Variants in ROBO2 observed in about 807,000 individuals in gnomAD.
The protein encoded by ROBO2 is roundabout guidance receptor 2, also known as roundabout homolog 2.
ROBO2 carries 53 observed loss-of-function variants against 160.8 expected under a neutral mutation model. The ratio of observed to expected loss-of-function variants is 0.33; its 90% CI spans 0.26 to 0.41. The LOEUF (loss-of-function observed/expected upper bound fraction) is 0.41, where lower values mean the gene tolerates loss of function less well. ROBO2 is among the 10% of genes least tolerant of loss of function. The pLI is 1.00. For synonymous variants in ROBO2, 664 were observed against 611.7 expected, an observed-to-expected ratio of 1.09 and a Z score of -1.26; for missense variants, 1,577 against 1,722.4, an observed-to-expected ratio of 0.92 and a Z score of 1.49.
At chr3:76,027,394 G>A (rs902707456) in intron 2 of ROBO2, among the ~76,000 whole-genome samples, 4 of 151,810 alleles carry the variant, frequency 2.6e-5, no homozygotes, top group African/African-American at 9.7e-5. Context: ...AATATTCATT[G>A]TAGAGTAGGC....
At chr3:77,109,229 G>T (rs1244862318) in intron 2 of ROBO2, among the ~76,000 whole-genome samples, 2 of 152,182 alleles carry the variant, frequency 1.3e-5, no homozygotes, top group Non-Finnish European at 2.9e-5. Context: ...CAGATACTTA[G>T]AACAAGCTTT....
chr3:76,447,268 G>A (rs547030045), intron 2 of ROBO2, among the ~76,000 whole-genome samples: 1,748 of 152,294 alleles, frequency 0.011, 27 homozygotes, highest in African/African-American at 0.034. Context: ...AGACATTTAT[G>A]CAGCCAAAAA....
chr3:75,957,674 T>C (rs1948769715), intron 2 of ROBO2, among the ~76,000 whole-genome samples: 1 of 151,510 alleles, frequency 6.6e-6, no homozygotes, highest in African/African-American at 2.4e-5. Flanking sequence ...TTCTTGAAAG[T>C]AGTTAGATTT....
At chr3:77,554,075 G>A (rs1597091) in intron 8 of ROBO2, among the ~76,000 whole-genome samples, 81,338 of 151,690 alleles carry the variant, frequency 0.54, 21,891 homozygotes, top group Middle Eastern at 0.68. Context: ...AATGCAGTTG[G>A]TGACTTTAGG....
intron 2 of ROBO2, among the ~76,000 whole-genome samples, chr3:76,395,327 G>GT (rs1484181108): frequency 1.5e-3 from 211 of 142,436 alleles, no homozygotes; most frequent in South Asian, 4.2e-3. Flanking sequence ...ATTCAAAGCA[G>GT]TGTGTAGAGG....
chr3:77,034,378 TAA>T (rs200520468), intron 2 of ROBO2, among the ~76,000 whole-genome samples: 7,398 of 131,064 alleles, frequency 0.056, 210 homozygotes, highest in Middle Eastern at 0.088. Context: ...TATTCTTTGT[TAA>T]AAAAAAAAAA....
chr3:76,268,963 C>A (rs1342342156), intron 2 of ROBO2, among the ~76,000 whole-genome samples: 4 of 152,014 alleles, frequency 2.6e-5, no homozygotes, highest in Admixed American at 1.3e-4. Context: ...GGCAGTAATT[C>A]AAATCAGAGA....
intron 2 of ROBO2, among the ~76,000 whole-genome samples, chr3:76,159,137 T>C (rs7619553): frequency 0.046 from 7,059 of 152,216 alleles, 382 homozygotes; most frequent in East Asian, 0.23. Context: ...CTAACATTTA[T>C]AACCAATTAA....
intron 2 of ROBO2, among the ~76,000 whole-genome samples, chr3:76,182,523 A>G (rs1052080529): frequency 5.9e-5 from 9 of 152,092 alleles, no homozygotes; most frequent in African/African-American, 1.9e-4. Flanking sequence ...AGGCCTTGCT[A>G]AAATATTGAT....
Position 77,634,701 on chromosome 3 carries a change from G to T in ROBO2, c.3761-169G>T. The T allele has an allele frequency of 1.4e-5, 10 of 696,910 alleles. No homozygotes were observed. The South Asian group carries it at 1.5e-4, about 11-fold the overall frequency. The allele number at this position is 696,910 out of a possible 1,614,324, so 43.2% of individuals were successfully genotyped here. ...TTAAAAATTGAACAAAATATGTGCA[G>T]CTGAGAATGTAGAAAATACATTTTT... On this transcript the variant is annotated intron_variant, in intron 23 of 25. Transcript: ENST00000461745.
At chr3:76,787,381 G>A (rs892494973) in intron 2 of ROBO2, among the ~76,000 whole-genome samples, 1 of 146,584 alleles carries the variant, frequency 6.8e-6, no homozygotes, top group Admixed American at 7.0e-5. Flanking sequence ...TTGTTAGCTT[G>A]TGGCCCAAAG....
intron 2 of ROBO2, among the ~76,000 whole-genome samples, chr3:76,651,741 C>T (rs931198165): frequency 6.6e-6 from 1 of 152,150 alleles, no homozygotes; most frequent in African/African-American, 2.4e-5. Flanking sequence ...CCATCTCCCC[C>T]TTTTAACTAC....
chr3:77,520,031 G>T (rs1260897087), intron 5 of ROBO2, among the ~76,000 whole-genome samples: 1 of 151,302 alleles, frequency 6.6e-6, no homozygotes, highest in African/African-American at 2.4e-5. Flanking sequence ...CTGATGATTT[G>T]AATAAACAGG....
chr3:76,675,373 C>T (rs983133558), intron 2 of ROBO2, among the ~76,000 whole-genome samples: 2 of 152,146 alleles, frequency 1.3e-5, no homozygotes, highest in African/African-American at 4.8e-5. Context: ...CAGAAAAAAT[C>T]TTACATTTCT....
Position 76,141,159 on chromosome 3 carries a change from C to CTATATATA in ROBO2, c.109+203579_109+203586dup, listed in dbSNP as rs55778369. ...TCTCTCTCTCTCTCTCTCTCTCTCTCTATATATATATATATATATATATAT... is the reference window on the plus strand; with the variant it reads ...TCTCTCTCTCTCTCTCTCTCTCTCTCTATATATATATATATATATATATATATATATAT... On this transcript the variant is annotated intron_variant, in intron 2 of 26. Coordinates refer to the ROBO2 transcript ENST00000487694. Among the ~76,000 whole-genome samples the CTATATATA allele has an allele frequency of 7.1e-3, 65 of 9,170 alleles. 3 individuals carry two copies. Among genetic ancestry groups the CTATATATA allele is most frequent in the Admixed American group, 0.011 (5 of 456 alleles). 6.0% of individuals were successfully genotyped at this position (9,170 alleles called of 152,430 possible).
chr3:76,665,760 A>G (rs896853706), intron 2 of ROBO2, among the ~76,000 whole-genome samples: 1 of 150,796 alleles, frequency 6.6e-6, no homozygotes, highest in African/African-American at 2.4e-5. Context: ...TATCATTTTA[A>G]ATTCATCTTT....
intron 2 of ROBO2, among the ~76,000 whole-genome samples, chr3:76,316,228 A>C (rs2072011912): frequency 6.6e-6 from 1 of 152,130 alleles, no homozygotes; most frequent in African/African-American, 2.4e-5. Flanking sequence ...TCCCAATCCT[A>C]GTAAGCCTGA....
intron 2 of ROBO2, among the ~76,000 whole-genome samples, chr3:76,860,843 T>C (rs1253625226): frequency 6.6e-6 from 1 of 152,212 alleles, no homozygotes; most frequent in African/African-American, 2.4e-5. Flanking sequence ...ACGCCTTTTC[T>C]CTCCATTTTC....
intron 2 of ROBO2, among the ~76,000 whole-genome samples, chr3:77,226,054 G>C (rs2086463282): frequency 6.6e-6 from 1 of 151,920 alleles, no homozygotes; most frequent in South Asian, 2.1e-4. Context: ...AAAATTTAGA[G>C]ATGCATTTTT....
Sources: gnomAD v4.1 joint callset for allele counts (sites outside exome capture counted in the v4.1 genomes callset) on GRCh38, gnomAD v4.1.1 for gene constraint, MANE v1.5 for transcripts, NCBI Gene and HGNC (gene_info 2026-07-23, HGNC 2026-07-21) for gene names.